NRXN3: variants seen among roughly 807,000 people sequenced by gnomAD.
The protein encoded by NRXN3 is neurexin 3.
Under a neutral mutation model 137.6 loss-of-function variants are expected in NRXN3, and 32 were observed. That is an observed-to-expected ratio of 0.23 (90% confidence interval 0.18 to 0.31). NRXN3 has a LOEUF of 0.31. Ranked by LOEUF, NRXN3 falls within the 10% of genes least tolerant of loss-of-function variation. NRXN3 has a pLI of 1.00. For missense variants in NRXN3, 1,574 were observed against 2,062.5 expected (o/e 0.76, Z 4.59); for synonymous variants, 798 against 784.5 (o/e 1.02, Z -0.29).
chr14:78,435,177 C>G (rs2094019416), intron 4 of NRXN3, among the ~76,000 whole-genome samples: 1 of 152,154 alleles, frequency 6.6e-6, no homozygotes, highest in Non-Finnish European at 1.5e-5. Flanking sequence ...GCCTTAATAT[C>G]ACAGAAATGC....
intron 4 of NRXN3, among the ~76,000 whole-genome samples, chr14:78,300,241 A>G (rs2076746304): frequency 6.6e-6 from 1 of 152,234 alleles, no homozygotes; most frequent in African/African-American, 2.4e-5. Flanking sequence ...AACTCATATT[A>G]ATGTTAGGAA....
At chr14:79,331,301 G>T (rs1566822508) in intron 15 of NRXN3, among the ~76,000 whole-genome samples, 3 of 152,120 alleles carry the variant, frequency 2.0e-5, no homozygotes, top group East Asian at 3.9e-4. Context: ...AGGTATAAAA[G>T]TTGCTTATAT....
chr14:78,808,937 C>T (rs1298990653), intron 9 of NRXN3, among the ~76,000 whole-genome samples: 2 of 151,926 alleles, frequency 1.3e-5, no homozygotes, highest in East Asian at 3.9e-4. Context: ...ATATTTTCCC[C>T]TCTATCTTTC....
chr14:78,483,451 T>G (rs1205597784), intron 4 of NRXN3, among the ~76,000 whole-genome samples: 1 of 152,226 alleles, frequency 6.6e-6, no homozygotes, highest in Non-Finnish European at 1.5e-5. Flanking sequence ...ACCAACTGCA[T>G]GTCACTGGTG....
intron 8 of NRXN3, among the ~76,000 whole-genome samples, chr14:78,717,746 C>CA (rs1567137377): frequency 6.6e-6 from 1 of 152,082 alleles, no homozygotes; most frequent in Non-Finnish European, 1.5e-5. Flanking sequence ...ATGCAACAAA[C>CA]AAAAAATCCA....
intron 4 of NRXN3, among the ~76,000 whole-genome samples, chr14:78,310,282 T>A (rs4903746): frequency 8.9e-5 from 11 of 123,964 alleles, no homozygotes; most frequent in South Asian, 5.3e-4. Flanking sequence ...TTTTTTTTTT[T>A]CCAGACAGTG....
rs990842778 is a variant in NRXN3 at position 78,306,009 on chromosome 14, T to C, written c.757+8149T>C. ...GACGGTGCTTGAAAAATATGAAAAG[T>C]GTGTTTTTTTCTTGTTTAGAAATTT... On this transcript the variant is annotated intron_variant, in intron 4 of 20. Transcript: ENST00000335750. Among the ~76,000 whole-genome samples, 10 of 152,294 alleles carry C rather than the reference T, an allele frequency of 6.6e-5. 1 individual carries two copies. The East Asian group carries it at 1.9e-3, about 29-fold the overall frequency.
At chr14:78,590,662 C>A (rs2152400326) in intron 4 of NRXN3, among the ~76,000 whole-genome samples, 1 of 152,210 alleles carries the variant, frequency 6.6e-6, no homozygotes, top group Middle Eastern at 3.4e-3. Flanking sequence ...GCCTGTAATC[C>A]CAGGACTTTC....
intron 10 of NRXN3, among the ~76,000 whole-genome samples, chr14:78,871,760 C>A (rs749508004): frequency 1.1e-4 from 17 of 152,092 alleles, no homozygotes; most frequent in Admixed American, 2.0e-4. Context: ...TTTATCTACT[C>A]AGACTTTTTA....
intron 14 of NRXN3, among the ~76,000 whole-genome samples, chr14:78,975,931 T>C (rs2099464121): frequency 6.6e-6 from 1 of 151,904 alleles, no homozygotes; most frequent in Admixed American, 6.6e-5. Flanking sequence ...AGACAGGAGC[T>C]CTCCACGGTA....
At chr14:79,594,168 C>G (rs1282537501) in intron 16 of NRXN3, among the ~76,000 whole-genome samples, 1 of 152,148 alleles carries the variant, frequency 6.6e-6, no homozygotes, top group African/African-American at 2.4e-5. Flanking sequence ...AAACATCCTT[C>G]TAAGCATGAA....
At chr14:78,874,252 G>A (rs997167532) in intron 10 of NRXN3, among the ~76,000 whole-genome samples, 6 of 152,130 alleles carry the variant, frequency 3.9e-5, no homozygotes, top group South Asian at 2.1e-4. Flanking sequence ...GATTACAGGC[G>A]TGAGCCACTG....
chr14:78,340,771 A>G (rs1171613566), intron 4 of NRXN3, among the ~76,000 whole-genome samples: 1 of 152,190 alleles, frequency 6.6e-6, no homozygotes, highest in Non-Finnish European at 1.5e-5. Context: ...CTGTTGGTCA[A>G]AGCAAGTCTA....
At chr14:79,786,127 A>T (rs545994208) in intron 19 of NRXN3, among the ~76,000 whole-genome samples, 17 of 152,166 alleles carry the variant, frequency 1.1e-4, no homozygotes, top group African/African-American at 1.7e-4. Context: ...GTTAAATTTT[A>T]TATTACCCTT....
chr14:79,335,027 G>A (rs2092136685), intron 15 of NRXN3, among the ~76,000 whole-genome samples: 1 of 152,090 alleles, frequency 6.6e-6, no homozygotes, highest in South Asian at 2.1e-4. Context: ...GGGTGTGGAG[G>A]TTACCCAGCC....
chr14:79,415,803 C>T lies in NRXN3; in HGVS notation c.3263-51418C>T, dbSNP rs562746515. Among the ~76,000 whole-genome samples the T allele has an allele frequency of 1.4e-3, 210 of 152,138 alleles. 1 individual carries two copies. The highest frequency in any genetic ancestry group is 2.5e-3 in the Non-Finnish European group (171 of 67,976). ...CTTGAAGTGGCCAATCACCCTATCC[C>T]CAAAGATACTGCTACTCAAAGCATG... On this transcript the variant is annotated intron_variant, in intron 15 of 20. Coordinates refer to ENST00000335750, the MANE Select transcript of NRXN3 (RefSeq NM_001330195.2).
At chr14:79,286,961 A>G (rs1398666781) in intron 15 of NRXN3, among the ~76,000 whole-genome samples, 1 of 152,216 alleles carries the variant, frequency 6.6e-6, no homozygotes, top group Non-Finnish European at 1.5e-5. Context: ...TGTATTTTGT[A>G]CATTCTAAAC....
At chr14:79,681,153 C>T (rs1480476294) in intron 17 of NRXN3, among the ~76,000 whole-genome samples, 1 of 152,186 alleles carries the variant, frequency 6.6e-6, no homozygotes, top group African/African-American at 2.4e-5. Context: ...AGGGGCCCAG[C>T]TGTCCATGTC....
intron 8 of NRXN3, among the ~76,000 whole-genome samples, chr14:78,782,458 T>A (rs960921385): frequency 1.3e-5 from 2 of 152,190 alleles, no homozygotes; most frequent in Admixed American, 1.3e-4. Context: ...ACGCCTCTGG[T>A]TGGAAAGGAA....
Sources: gnomAD v4.1 joint callset for allele counts (sites outside exome capture counted in the v4.1 genomes callset) on GRCh38, gnomAD v4.1.1 for gene constraint, MANE v1.5 for transcripts, NCBI Gene and HGNC (gene_info 2026-07-23, HGNC 2026-07-21) for gene names.